The following FAAH2 variants were observed in gnomAD, a reference collection of about 807,000 sequenced individuals.
FAAH2 encodes fatty-acid amide hydrolase 2.
Under a neutral mutation model 36.9 loss-of-function variants are expected in FAAH2, and 60 were observed. The observed-to-expected ratio is 1.63, with a 90% CI of 1.32 to 2.02. The LOEUF (loss-of-function observed/expected upper bound fraction) is 2.02. Among genes scored for constraint, FAAH2 ranks in the 30% most tolerant of loss-of-function variants. FAAH2 has a pLI of 0.00. For missense variants in FAAH2, 689 were observed against 397.5 expected (o/e 1.73, Z -6.23); for synonymous variants, 214 against 143.8 (o/e 1.49, Z -3.49).
intron 1 of FAAH2, 67 bp downstream of exon 1, chrX:57,287,084 T>A (rs1409782052): frequency 5.7e-6 from 6 of 1,044,820 alleles, no homozygotes; most frequent in Admixed American, 3.6e-5. Flanking sequence ...AGCTTAGTGG[T>A]GGCGGTGGTT....
the FAAH2 span, among the ~76,000 whole-genome samples, chrX:57,197,915 T>C: frequency 2.7e-5 from 3 of 112,210 alleles, no homozygotes; most frequent in Non-Finnish European, 5.6e-5. Flanking sequence ...GCCAGGATGT[T>C]ATAGTTGGTG....
chrX:57,137,081 C>G, the FAAH2 span: 30 of 789,857 alleles, frequency 3.8e-5, no homozygotes, highest in South Asian at 1.2e-3. Context: ...ATTCCTACCC[C>G]CTTTCCCTGT....
At chrX:57,147,976 C>G in the FAAH2 span, among the ~76,000 whole-genome samples, 1 of 111,465 alleles carries the variant, frequency 9.0e-6, no homozygotes, top group Non-Finnish European at 1.9e-5. Flanking sequence ...TTTGGCCTAT[C>G]ATATAGCCTA....
At chrX:57,412,449 A>G (rs1057355731) in intron 7 of FAAH2, among the ~76,000 whole-genome samples, 2 of 110,930 alleles carry the variant, frequency 1.8e-5, no homozygotes, top group African/African-American at 6.6e-5. Context: ...TTCAACTCCC[A>G]GTTATGAGTG....
intron 7 of FAAH2, chrX:57,394,865 AG>A: frequency 9.5e-7 from 1 of 1,054,126 alleles, no homozygotes; most frequent in Non-Finnish European, 1.3e-6. Flanking sequence ...GTTCCACAGA[AG>A]CAAGTCACGC....
intron 7 of FAAH2, chrX:57,393,891 C>T (rs904723886): frequency 4.8e-6 from 5 of 1,044,876 alleles, no homozygotes; most frequent in South Asian, 3.7e-5. Flanking sequence ...TCCAATCTTG[C>T]AAATCTGTTT....
the FAAH2 span, among the ~76,000 whole-genome samples, chrX:57,272,423 T>C: frequency 1.8e-5 from 2 of 111,171 alleles, no homozygotes; most frequent in Non-Finnish European, 3.8e-5. Context: ...AAGATACTTC[T>C]AGAGAAGAGC....
intron 3 of FAAH2, among the ~76,000 whole-genome samples, chrX:57,314,098 A>G (rs191510258): frequency 4.5e-4 from 50 of 111,857 alleles, no homozygotes; most frequent in Non-Finnish European, 9.4e-5. Flanking sequence ...TCTTTTTATC[A>G]GATAAAACAG....
chrX:57,419,288 A>G (rs1443828842), intron 7 of FAAH2, among the ~76,000 whole-genome samples: 7 of 110,617 alleles, frequency 6.3e-5, no homozygotes, highest in African/African-American at 1.3e-4. Context: ...CTGAGGAATC[A>G]CCACACTGAC....
chrX:57,468,735 G>A (rs2057099650), intron 10 of FAAH2, among the ~76,000 whole-genome samples: 1 of 111,158 alleles, frequency 9.0e-6, no homozygotes, highest in African/African-American at 3.3e-5. Flanking sequence ...TCAGATCCAG[G>A]AAATACAGAG....
chrX:57,367,003 A>G (rs1418998814), intron 5 of FAAH2, among the ~76,000 whole-genome samples: 3 of 111,638 alleles, frequency 2.7e-5, no homozygotes, highest in Non-Finnish European at 5.7e-5. Context: ...GTCTCTGCCA[A>G]CTCTCCAGGC....
chrX:57,241,688 A>T, the FAAH2 span, among the ~76,000 whole-genome samples: 279 of 111,447 alleles, frequency 2.5e-3, 1 homozygote, highest in Middle Eastern at 4.6e-3. Flanking sequence ...TTTATTCATC[A>T]CCCCAATCCT....
chrX:57,467,875 A>T (rs1423658018), intron 10 of FAAH2, among the ~76,000 whole-genome samples: 1 of 111,659 alleles, frequency 9.0e-6, no homozygotes, highest in Non-Finnish European at 1.9e-5. Flanking sequence ...CACCTCACAC[A>T]GCTGGGTACC....
At chrX:57,470,564 G>T (rs1433724667) in intron 10 of FAAH2, among the ~76,000 whole-genome samples, 1 of 110,992 alleles carries the variant, frequency 9.0e-6, no homozygotes, top group Non-Finnish European at 1.9e-5. Context: ...ATGAATCCCT[G>T]AATAGACCAA....
chrX:57,199,534 A>T, the FAAH2 span, among the ~76,000 whole-genome samples: 1 of 111,731 alleles, frequency 9.0e-6, no homozygotes, highest in East Asian at 2.8e-4. Context: ...CACATGCTGA[A>T]GAACAGTATG....
chrX:57,231,772 G>C, the FAAH2 span, among the ~76,000 whole-genome samples: 1 of 111,526 alleles, frequency 9.0e-6, no homozygotes, highest in Non-Finnish European at 1.9e-5. Context: ...TGCTTTTTCT[G>C]AATTATTAGG....
chrX:57,147,794 C>T, the FAAH2 span, among the ~76,000 whole-genome samples: 3 of 111,852 alleles, frequency 2.7e-5, no homozygotes, highest in African/African-American at 9.7e-5. Context: ...TTTTAATTTT[C>T]ATCTTGATTT....
intron 7 of FAAH2, among the ~76,000 whole-genome samples, chrX:57,402,232 C>A (rs1420471200): frequency 8.9e-6 from 1 of 112,009 alleles, no homozygotes; most frequent in Admixed American, 9.4e-5. Context: ...TGGGCCTTCC[C>A]GTGATTCCCT....
At chrX:57,308,752 G>A (rs1031958299) in intron 2 of FAAH2, among the ~76,000 whole-genome samples, 3 of 111,356 alleles carry the variant, frequency 2.7e-5, no homozygotes, top group Non-Finnish European at 5.7e-5. Flanking sequence ...ACACATGGCA[G>A]TAAAAAATCC....
Sources: allele counts gnomAD v4.1 joint callset (sites outside exome capture counted in the v4.1 genomes callset), GRCh38; gene constraint gnomAD v4.1.1; transcripts MANE v1.5; gene names NCBI Gene and HGNC (gene_info 2026-07-23, HGNC 2026-07-21).